Variants in MCC observed in about 807,000 individuals in gnomAD.
The protein encoded by MCC is colorectal mutant cancer protein.
Under a neutral mutation model 116.2 loss-of-function variants are expected in MCC, and 90 were observed. That is an observed-to-expected ratio of 0.77 (90% CI 0.65 to 0.92). The LOEUF is 0.92. Among genes scored for constraint, MCC ranks in the 40% least tolerant of loss-of-function variants. The pLI is 0.00. For missense variants in MCC, 1,516 were observed against 1,312.2 expected, an observed-to-expected ratio of 1.16 and a Z score of -2.40; for synonymous variants, 578 against 510.5, an observed-to-expected ratio of 1.13 and a Z score of -1.78.
chr5:113,116,071 T>C (rs1350411150), intron 6 of MCC, among the ~76,000 whole-genome samples: 3 of 152,148 alleles, frequency 2.0e-5, no homozygotes, highest in African/African-American at 7.2e-5. Flanking sequence ...CCAGTCCAAA[T>C]GGCCCTTTCT....
At chr5:113,457,271 G>A (rs373644066) in intron 1 of MCC, among the ~76,000 whole-genome samples, 1 of 152,374 alleles carries the variant, frequency 6.6e-6, no homozygotes, top group East Asian at 1.9e-4. Context: ...CCCAGGCAAT[G>A]AGGGACTTAG....
chr5:113,359,676 T>C (rs1189665079), intron 2 of MCC, among the ~76,000 whole-genome samples: 1 of 152,260 alleles, frequency 6.6e-6, no homozygotes, highest in Non-Finnish European at 1.5e-5. Context: ...TTGTCTAAAC[T>C]ATGTATATTG....
chr5:113,108,375 C>T (rs1756877424), intron 6 of MCC, among the ~76,000 whole-genome samples: 1 of 142,346 alleles, frequency 7.0e-6, no homozygotes, highest in South Asian at 2.2e-4. Context: ...AGGAAAGTGG[C>T]CAGGTGTGGT....
At chr5:113,048,216 C>A (rs761013595) in intron 16 of MCC, among the ~76,000 whole-genome samples, 3 of 152,168 alleles carry the variant, frequency 2.0e-5, no homozygotes, top group Non-Finnish European at 2.9e-5. Flanking sequence ...TACTGTAGCT[C>A]CCCCTTAACT....
At chr5:113,470,558 G>C (rs1772056965) in intron 1 of MCC, among the ~76,000 whole-genome samples, 1 of 152,208 alleles carries the variant, frequency 6.6e-6, no homozygotes, top group Non-Finnish European at 1.5e-5. Flanking sequence ...TCAGCTGTTA[G>C]TCTGATGGGC....
intron 3 of MCC, among the ~76,000 whole-genome samples, chr5:113,223,021 C>A (rs1378147990): frequency 6.6e-6 from 1 of 152,212 alleles, no homozygotes; most frequent in East Asian, 1.9e-4. Context: ...TGAGCTTTGC[C>A]AGACTACTGT....
At chr5:113,158,120 AC>A (rs1221467649) in intron 3 of MCC, among the ~76,000 whole-genome samples, 4 of 152,170 alleles carry the variant, frequency 2.6e-5, no homozygotes, top group Non-Finnish European at 5.9e-5. Context: ...GCAATTTCAA[AC>A]CTGCCAATTG....
intron 3 of MCC, among the ~76,000 whole-genome samples, chr5:113,176,928 T>C (rs935165): frequency 1 from 151,662 of 152,294 alleles, 75,520 homozygotes; most frequent in Middle Eastern, 1. Flanking sequence ...TCCCTACATC[T>C]AGCCTTCTCT....
rs182122182 is a variant in MCC at position 113,415,308 on chromosome 5, T to G, written c.171-30096A>C. The stretch of plus-strand genomic sequence containing the variant: ...CTCTGTATTTCCTGAATTTGAATGT[T>G]GGCCTGCCTTGCTAGGTTGGGGAAG... On this transcript the variant is annotated intron_variant, in intron 1 of 18. Coordinates refer to ENST00000408903, the MANE Select transcript of MCC (RefSeq NM_001085377.2). 5.0e-3 allele frequency among the ~76,000 whole-genome samples: 757 copies of G among 152,340 alleles called. 7 individuals carry two copies. The highest frequency in any genetic ancestry group is 0.017 in the African/African-American group (722 of 41,574).
chr5:113,335,163 T>C (rs566610794), intron 3 of MCC, among the ~76,000 whole-genome samples: 1 of 151,796 alleles, frequency 6.6e-6, no homozygotes, highest in Admixed American at 6.6e-5. Context: ...AGTACCATAA[T>C]GATTGTAGTG....
At chr5:113,337,369 T>A (rs1247384484) in intron 3 of MCC, among the ~76,000 whole-genome samples, 5 of 152,164 alleles carry the variant, frequency 3.3e-5, no homozygotes, top group Admixed American at 3.3e-4. Context: ...GTTCAGAAGT[T>A]TGGTTTCCTG....
chr5:113,143,985 T>C (rs558054585), intron 4 of MCC, among the ~76,000 whole-genome samples: 2 of 152,332 alleles, frequency 1.3e-5, no homozygotes, highest in Admixed American at 1.3e-4. Flanking sequence ...TATCATTATC[T>C]CCCAGACTAC....
intron 3 of MCC, among the ~76,000 whole-genome samples, chr5:113,206,707 A>C (rs1442764817): frequency 6.6e-6 from 1 of 152,208 alleles, no homozygotes; most frequent in African/African-American, 2.4e-5. Flanking sequence ...AGACTGTCTC[A>C]AAAAAATAAA....
intron 3 of MCC, among the ~76,000 whole-genome samples, chr5:113,220,133 C>T (rs1763492411): frequency 1.6e-5 from 1 of 62,716 alleles, no homozygotes; most frequent in African/African-American, 2.7e-5. Flanking sequence ...TCTCGGCTCA[C>T]TGCAAGCTCC....
At chr5:113,413,445 C>G (rs540976144) in intron 1 of MCC, among the ~76,000 whole-genome samples, 99 of 152,276 alleles carry the variant, frequency 6.5e-4, no homozygotes, top group African/African-American at 2.1e-3. Flanking sequence ...GCCTCAATTT[C>G]AGAGCCTGTT....
chr5:113,420,877 T>G (rs1160848717), intron 1 of MCC, among the ~76,000 whole-genome samples: 1 of 152,164 alleles, frequency 6.6e-6, no homozygotes, highest in African/African-American at 2.4e-5. Context: ...TAGCTCTTTT[T>G]GCTATTTGGA....
intron 7 of MCC, among the ~76,000 whole-genome samples, chr5:113,102,199 C>G (rs940693631): frequency 3.9e-5 from 6 of 152,208 alleles, no homozygotes; most frequent in Non-Finnish European, 8.8e-5. Context: ...TGAGTCCTCT[C>G]CTGGCAGCTG....
At chr5:113,252,541 G>C (rs1447369031) in intron 3 of MCC, among the ~76,000 whole-genome samples, 2 of 152,062 alleles carry the variant, frequency 1.3e-5, no homozygotes, top group African/African-American at 4.8e-5. Context: ...AACAAGCTCA[G>C]GATTCCCATT....
At chr5:113,171,882 A>G (rs1372447940) in intron 3 of MCC, among the ~76,000 whole-genome samples, 4 of 152,150 alleles carry the variant, frequency 2.6e-5, no homozygotes, top group Admixed American at 6.5e-5. Context: ...GAGCCCCTAC[A>G]TAAGGAAGGC....
Sources: gnomAD v4.1 joint callset for allele counts (sites outside exome capture counted in the v4.1 genomes callset) on GRCh38, gnomAD v4.1.1 for gene constraint, MANE v1.5 for transcripts, NCBI Gene and HGNC (gene_info 2026-07-23, HGNC 2026-07-21) for gene names.